Variants in TRPC4AP observed in about 807,000 individuals in gnomAD.
TRPC4AP encodes short transient receptor potential channel 4-associated protein.
TRPC4AP carries 45 observed loss-of-function variants against 99.0 expected under a neutral mutation model. That is an observed-to-expected ratio of 0.45 (90% CI 0.36 to 0.58). TRPC4AP has a LOEUF of 0.58. TRPC4AP is among the 20% of genes least tolerant of loss of function. The probability of loss-of-function intolerance (pLI) is 0.00; values close to 1 mark genes in which losing one functional copy is unlikely to be tolerated. For missense variants in TRPC4AP, 879 were observed against 985.3 expected (o/e 0.89, Z 1.44); for synonymous variants, 408 against 385.8 (o/e 1.06, Z -0.67).
At chr20:35,089,158 C>A (rs2084969252) in intron 1 of TRPC4AP, among the ~76,000 whole-genome samples, 1 of 151,810 alleles carries the variant, frequency 6.6e-6, no homozygotes, top group African/African-American at 2.4e-5. Context: ...TGTAAGCCAC[C>A]ACACTGGGCC....
intron 8 of TRPC4AP, among the ~76,000 whole-genome samples, chr20:35,032,632 C>T (rs969914536): frequency 1.3e-5 from 2 of 151,822 alleles, no homozygotes; most frequent in African/African-American, 4.8e-5. Flanking sequence ...GCCACCACGC[C>T]CAGCTAATTT....
At chr20:35,003,317 G>A in intron 18 of TRPC4AP, 34 bp from the exon 19 acceptor site, 1 of 1,613,798 alleles carries the variant, frequency 6.2e-7, no homozygotes, top group Middle Eastern at 1.7e-4. Context: ...GGGGCGCCTG[G>A]AGGACCCAGG....
intron 1 of TRPC4AP, among the ~76,000 whole-genome samples, chr20:35,084,782 GGTATAT>G (rs979260557): frequency 6.7e-6 from 1 of 148,562 alleles, no homozygotes; most frequent in African/African-American, 2.5e-5. Context: ...ATATATACAG[GGTATAT>G]GTATATTTAT....
intron 13 of TRPC4AP, 134 bp from the exon 14 acceptor site, chr20:35,007,774 C>T: frequency 1.1e-6 from 1 of 901,120 alleles, no homozygotes; most frequent in East Asian, 2.6e-5. Flanking sequence ...AAGCATCAGG[C>T]TTCATCCTGG....
chr20:35,005,869 G>A (rs1480088565), intron 15 of TRPC4AP, 66 bp from the exon 16 acceptor site: 4 of 1,463,180 alleles, frequency 2.7e-6, no homozygotes, highest in South Asian at 1.1e-5. Context: ...GGCCCGGGGG[G>A]ATAGTCACTA....
At chr20:35,077,174 T>G (rs1308135200) in intron 2 of TRPC4AP, among the ~76,000 whole-genome samples, 1 of 152,138 alleles carries the variant, frequency 6.6e-6, no homozygotes, top group African/African-American at 2.4e-5. Flanking sequence ...ATGGCTTCCC[T>G]TGGCTAGGAA....
chr20:35,035,639 A>G (rs1257631737), intron 7 of TRPC4AP, among the ~76,000 whole-genome samples: 1 of 152,184 alleles, frequency 6.6e-6, no homozygotes, highest in Non-Finnish European at 1.5e-5. Context: ...TTACACGAGA[A>G]TATCTGTATA....
At chr20:35,089,403 T>G (rs1224091797) in intron 1 of TRPC4AP, among the ~76,000 whole-genome samples, 9 of 151,190 alleles carry the variant, frequency 6.0e-5, no homozygotes, top group South Asian at 2.1e-4. Flanking sequence ...ATGTTTTTTT[T>G]TTTTTTTTTT....
intron 9 of TRPC4AP, among the ~76,000 whole-genome samples, chr20:35,017,782 T>C (rs1188628063): frequency 6.6e-6 from 1 of 152,214 alleles, no homozygotes; most frequent in Non-Finnish European, 1.5e-5. Flanking sequence ...TATTAGGTTG[T>C]GTAAAAGTAA....
At chr20:35,065,735 C>T (rs956290088) in intron 3 of TRPC4AP, among the ~76,000 whole-genome samples, 4 of 152,156 alleles carry the variant, frequency 2.6e-5, no homozygotes, top group African/African-American at 9.7e-5. Flanking sequence ...AAATCAAGAA[C>T]AGTTGATCCA....
intron 8 of TRPC4AP, among the ~76,000 whole-genome samples, chr20:35,023,633 C>G (rs916863376): frequency 1.3e-5 from 2 of 152,208 alleles, no homozygotes; most frequent in Non-Finnish European, 2.9e-5. Context: ...GGCCCAGCTT[C>G]CAGAACAGTT....
At chr20:35,067,777 A>G (rs1344323796) in intron 3 of TRPC4AP, among the ~76,000 whole-genome samples, 1 of 152,222 alleles carries the variant, frequency 6.6e-6, no homozygotes, top group Non-Finnish European at 1.5e-5. Flanking sequence ...TTATATAACT[A>G]AATTTATACA....
intron 3 of TRPC4AP, among the ~76,000 whole-genome samples, chr20:35,067,279 G>A (rs2084168896): frequency 6.6e-6 from 1 of 152,204 alleles, no homozygotes; most frequent in African/African-American, 2.4e-5. Flanking sequence ...GAGTCCGGGA[G>A]TTTGAGACCA....
rs538636881 is a variant in TRPC4AP at position 35,074,007 on chromosome 20, T to C, written c.297+4039A>G. On this transcript the variant is annotated intron_variant, in intron 2 of 18. Coordinates refer to ENST00000252015, the MANE Select transcript of TRPC4AP (RefSeq NM_015638.3). ...TCTTCCCAGTTTAGTCTTGGGAGGG[T>C]GTATGTGTCCAGGAATTTATCCATT... Among the ~76,000 whole-genome samples, 7 of 152,256 alleles carry C rather than the reference T, an allele frequency of 4.6e-5. No individual in the cohort carries two copies. In the South Asian group the frequency reaches 1.5e-3, roughly 32 times the overall value.
chr20:35,021,400 GAA>G (rs748142880), intron 8 of TRPC4AP, 44 bp from the exon 9 acceptor site: 76 of 1,599,694 alleles, frequency 4.8e-5, no homozygotes. Context: ...AGCTTGTGAG[GAA>G]ACACGTTTCT....
chr20:35,052,319 C>G (rs946333497), intron 5 of TRPC4AP, among the ~76,000 whole-genome samples: 1 of 151,984 alleles, frequency 6.6e-6, no homozygotes, highest in Non-Finnish European at 1.5e-5. Context: ...GTCTTGAACT[C>G]CTGGACACAC....
chr20:35,034,974 A>T (rs1228161712), intron 8 of TRPC4AP, 149 bp downstream of exon 8: 4 of 724,406 alleles, frequency 5.5e-6, no homozygotes, highest in African/African-American at 5.4e-5. Context: ...CTGTCAAAAG[A>T]GTCTTAATAG....
chr20:35,031,491 T>C (rs2083194955), intron 8 of TRPC4AP, among the ~76,000 whole-genome samples: 1 of 149,342 alleles, frequency 6.7e-6, no homozygotes, highest in African/African-American at 2.5e-5. Context: ...CCTTCTTGGC[T>C]TCCTAAAGTG....
At chr20:35,072,791 TTAAAG>T (rs1180279989) in intron 2 of TRPC4AP, among the ~76,000 whole-genome samples, 1 of 152,164 alleles carries the variant, frequency 6.6e-6, no homozygotes, top group African/African-American at 2.4e-5. Context: ...CATATGAACT[TTAAAG>T]TAGTTTTTTC....
Sources: allele counts gnomAD v4.1 joint callset (sites outside exome capture counted in the v4.1 genomes callset), GRCh38; gene constraint gnomAD v4.1.1; transcripts MANE v1.5; gene names NCBI Gene and HGNC (gene_info 2026-07-23, HGNC 2026-07-21).